Variants in SMYD4 observed in about 807,000 individuals in gnomAD.
SMYD4 encodes the protein SET and MYND domain containing 4.
Under a neutral mutation model 72.8 loss-of-function variants are expected in SMYD4, and 68 were observed. The observed-to-expected ratio is 0.93, with a 90% CI of 0.77 to 1.14. The LOEUF is 1.14. Among genes scored for constraint, SMYD4 ranks in the 50% most tolerant of loss-of-function variants. The probability of loss-of-function intolerance (pLI) is 0.00; values close to 1 mark genes in which losing one functional copy is unlikely to be tolerated. For synonymous variants in SMYD4, 407 were observed against 388.6 expected (o/e 1.05, Z -0.56); for missense variants, 984 against 1,003.7 (o/e 0.98, Z 0.27).
rs376554184 is a variant in SMYD4, at chr17:1,800,277, T to C, written c.1117A>G (p.Lys373Glu). The change falls in exon 5 of 11, where the codon AAG becomes GAG. Residue 373 changes from lysine to glutamate, a missense_variant. Physicochemically the swap from Lys to Glu is moderately conservative, Grantham distance 56. Transcript: ENST00000305513. ...VRKIITKLCD[K>E]ISNKDICLPE... ...AAACAGATGTCCTTGTTACTAATCT[T>C]ATCACAAAGCTTCGTTATGATTTTG... The C allele has an allele frequency of 6.2e-7, 1 of 1,614,056 alleles. No homozygotes were observed. The highest frequency in any genetic ancestry group is 1.3e-5 in the African/African-American group (1 of 74,914).
In SMYD4 at chr17:1,829,853, C is replaced by G; in HGVS notation, c.-140G>C. On this transcript the variant is annotated 5_prime_UTR_variant, in exon 1 of 11. Coordinates refer to ENST00000305513, the MANE Select transcript of SMYD4 (RefSeq NM_052928.3). The stretch of plus-strand genomic sequence containing the variant: ...CGCGCCCCTTGGCGCCCCGCTCCGC[C>G]CCGCACCGCGTCCGGCGTCCCGCGC... 3.0e-6 allele frequency: 1 copy of G among 328,156 alleles called. No individual in the cohort carries two copies. Among genetic ancestry groups the G allele is most frequent in the Non-Finnish European group, 5.4e-6 (1 of 186,686 alleles). The allele number at this position is 328,156 out of a possible 1,614,324, so 20.3% of individuals were successfully genotyped here. A position where few individuals can be genotyped will look rare whatever the true frequency, so the allele number is the denominator to read the frequency against.
chr17:1,820,469 G>C (rs1158357950), intron 2 of SMYD4, among the ~76,000 whole-genome samples: 1 of 152,060 alleles, frequency 6.6e-6, no homozygotes, highest in African/African-American at 2.4e-5. Flanking sequence ...CAAACTCCTG[G>C]GCTCCAGCGA....
At chr17:1,787,324 T>C (rs1452362313) in intron 6 of SMYD4, 98 bp downstream of exon 6, 55 of 1,439,900 alleles carry the variant, frequency 3.8e-5, no homozygotes, top group Non-Finnish European at 5.1e-5. Context: ...AAGCAGACAG[T>C]AGACAGGTGA....
intron 8 of SMYD4, chr17:1,783,840 C>G: frequency 3.0e-6 from 1 of 330,462 alleles, no homozygotes; most frequent in South Asian, 3.4e-5. Context: ...ATGTCAAGCT[C>G]TAAGGCAGGG....
chr17:1,829,009 T>C (rs1911370018), intron 1 of SMYD4, among the ~76,000 whole-genome samples: 1 of 152,114 alleles, frequency 6.6e-6, no homozygotes, highest in Non-Finnish European at 1.5e-5. Flanking sequence ...AGCGTTCTGA[T>C]TAAGTCCTCA....
intron 2 of SMYD4, among the ~76,000 whole-genome samples, chr17:1,815,995 C>T (rs913682076): frequency 1.3e-5 from 2 of 152,064 alleles, no homozygotes. Flanking sequence ...CCACCATGCC[C>T]GGCCTATTTA....
chr17:1,824,625 A>T (rs1488417470), intron 2 of SMYD4, among the ~76,000 whole-genome samples: 1 of 151,636 alleles, frequency 6.6e-6, no homozygotes, highest in Non-Finnish European at 1.5e-5. Flanking sequence ...TTATATTTAT[A>T]TTTTTATTTT....
At chr17:1,792,303 T>A (rs1380355128) in intron 5 of SMYD4, among the ~76,000 whole-genome samples, 3 of 151,856 alleles carry the variant, frequency 2.0e-5, no homozygotes, top group Non-Finnish European at 4.4e-5. Flanking sequence ...CCTCCTCAAG[T>A]GCTGAGATTA....
At position 1,827,949 on chromosome 17, in the gene SMYD4, A is replaced by G. The variant is rs1416007598; in HGVS notation, c.46T>C (p.Trp16Arg). The change falls in exon 2 of 11, where the codon TGG (tryptophan) becomes CGG (arginine). Residue 16 changes from tryptophan to arginine, a missense_variant. Transcript: ENST00000305513. ...TGAACAGACGTCGGGAGTGAAGCCC[A>G]CTTTTGAAGCAGATATGATTTCCAT... is the stretch of plus-strand genomic sequence containing the variant. ...DEWKSYLLQK[W>R]ASLPTSVQVT... is the part of the protein sequence containing the mutation. 1 of 1,613,556 alleles carries G rather than the reference A, an allele frequency of 6.2e-7. No homozygotes were observed. Among genetic ancestry groups the G allele is most frequent in the Non-Finnish European group, 8.5e-7 (1 of 1,179,510 alleles).
chr17:1,785,763 C>CAAAAAAA (rs1355052619), intron 7 of SMYD4, among the ~76,000 whole-genome samples: 2 of 42,098 alleles, frequency 4.8e-5, no homozygotes, highest in African/African-American at 2.2e-4. Context: ...GACCCCATCT[C>CAAAAAAA]AAAAAAAAAA....
intron 2 of SMYD4, 53 bp downstream of exon 2, chr17:1,827,808 A>G: frequency 6.4e-7 from 1 of 1,572,576 alleles, no homozygotes; most frequent in Non-Finnish European, 8.7e-7. Context: ...GCAAATGACA[A>G]AATAGAACAT....
Position 1,827,935 on chromosome 17 carries a change from C to T in SMYD4, c.60G>A (p.Pro20=), listed in dbSNP as rs756972731. The part of the protein sequence containing the change: ...SYLLQKWASL[P]TSVQVTISTA... ...TAGAAATTGTGACCTGAACAGACGT[C>T]GGGAGTGAAGCCCACTTTTGAAGCA... The change falls in exon 2 of 11, where the codon CCG becomes CCA. Residue 20 remains proline (P), a synonymous_variant. Transcript: ENST00000305513. 1.1e-5 allele frequency: 17 copies of T among 1,613,442 alleles called. No individual in the cohort carries two copies. Among genetic ancestry groups the T allele is most frequent in the African/African-American group, 6.7e-5 (5 of 74,890 alleles).
chr17:1,812,119 C>T lies in SMYD4; in HGVS notation c.135-4G>A. 2 of 1,611,284 alleles carry T rather than the reference C, an allele frequency of 1.2e-6. No homozygotes were observed. Among genetic ancestry groups the T allele is most frequent in the Non-Finnish European group, 1.7e-6 (2 of 1,179,314 alleles). ...TAGAAACAGCTCATCCTCAGGTCTG[C>T]ATGAAGAAAGGAGGAAACAAAGTAA... On this transcript the variant is annotated splice_region_variant and splice_polypyrimidine_tract_variant and intron_variant, in intron 2 of 10. Coordinates refer to ENST00000305513, the MANE Select transcript of SMYD4 (RefSeq NM_052928.3).
chr17:1,802,872 G>A (rs187019231), intron 4 of SMYD4, among the ~76,000 whole-genome samples: 138 of 152,278 alleles, frequency 9.1e-4, no homozygotes, highest in Non-Finnish European at 1.6e-3. Context: ...CAACTGACAC[G>A]GCTGGGCGCA....
At position 1,800,987 on chromosome 17, in the gene SMYD4, C is replaced by G. The variant is rs1909715827; in HGVS notation, c.407G>C (p.Gly136Ala). ...CTTGGGTTGCAACCTTTCTGGATACCCATGTGTCTGTGCTCTGTTAATGTC... is the reference window on the plus strand; with the variant it reads ...CTTGGGTTGCAACCTTTCTGGATACGCATGTGTCTGTGCTCTGTTAATGTC... ...LKDINRAQTH[G>A]YPERLQPKIM... The change falls in exon 5 of 11, where the codon GGG becomes GCG. Residue 136 changes from glycine to alanine, a missense_variant. By Grantham distance (60) the Gly-to-Ala change is moderately conservative. Transcript: ENST00000305513. 6.2e-7 allele frequency: 1 copy of G among 1,613,568 alleles called. No homozygotes were observed. Among genetic ancestry groups the G allele is most frequent in the South Asian group, 1.1e-5 (1 of 91,066 alleles).
intron 5 of SMYD4, among the ~76,000 whole-genome samples, chr17:1,798,777 G>C (rs1909541005): frequency 6.6e-6 from 1 of 151,872 alleles, no homozygotes; most frequent in Non-Finnish European, 1.5e-5. Context: ...GCGCATGCTT[G>C]TAATCTCAGC....
chr17:1,787,403 G>C lies in SMYD4; in HGVS notation c.1720+19C>G, dbSNP rs745831272. On this transcript the variant is annotated intron_variant, in intron 6 of 10. Coordinates refer to ENST00000305513, the MANE Select transcript of SMYD4 (RefSeq NM_052928.3). Reference sequence around the variant, plus strand: ...TCTGTTGGAGAAGGGCAGGATGGCAGTGCGGAGGGATGGCTCACCATAGCA... The same window carrying C: ...TCTGTTGGAGAAGGGCAGGATGGCACTGCGGAGGGATGGCTCACCATAGCA... 1 of 1,551,686 alleles carries C rather than the reference G, an allele frequency of 6.4e-7. No individual in the cohort carries two copies. The highest frequency in any genetic ancestry group is 8.7e-7 in the Non-Finnish European group (1 of 1,147,856).
chr17:1,810,014 T>G (rs549124119), intron 3 of SMYD4, among the ~76,000 whole-genome samples: 1 of 151,862 alleles, frequency 6.6e-6, no homozygotes, highest in Non-Finnish European at 1.5e-5. Flanking sequence ...AGGCTGGTCT[T>G]GAACTCCTGG....
At position 1,795,453 on chromosome 17, in the gene SMYD4, A is replaced by T. The variant is rs554995195; in HGVS notation, c.1537+4404T>A. On this transcript the variant is annotated intron_variant, in intron 5 of 10. Transcript: ENST00000305513. ...TATCTATCTATCTATCTAATCATCT[A>T]TCTATCTATCTAAGAGACTTGCTGT... Among the ~76,000 whole-genome samples the T allele has an allele frequency of 4.7e-3, 705 of 149,220 alleles. 7 individuals carry two copies. Among genetic ancestry groups the T allele is most frequent in the African/African-American group, 0.017 (668 of 40,160 alleles).
Sources: allele counts gnomAD v4.1 joint callset (sites outside exome capture counted in the v4.1 genomes callset), GRCh38; gene constraint gnomAD v4.1.1; transcripts MANE v1.5; gene names NCBI Gene and HGNC (gene_info 2026-07-23, HGNC 2026-07-21).